TMC5: variants seen among roughly 807,000 people sequenced by gnomAD.
The protein encoded by TMC5 is transmembrane channel like 5, also known as transmembrane channel-like protein 5.
A neutral mutation model predicts 110.5 loss-of-function variants in TMC5; 86 were observed. That is an observed-to-expected ratio of 0.78 (90% confidence interval 0.65 to 0.93). The LOEUF (loss-of-function observed/expected upper bound fraction) is 0.93, where lower values mean the gene tolerates loss of function less well. TMC5 is among the 40% of genes least tolerant of loss of function. TMC5 has a pLI of 0.00. For synonymous variants in TMC5, 455 were observed against 439.5 expected (o/e 1.04, Z -0.44); for missense variants, 1,144 against 1,222.8 (o/e 0.94, Z 0.96).
At chr16:19,426,296 T>C (rs1343252699) in intron 1 of TMC5, among the ~76,000 whole-genome samples, 1 of 152,228 alleles carries the variant, frequency 6.6e-6, no homozygotes, top group African/African-American at 2.4e-5. Flanking sequence ...GACCCATACA[T>C]GCAGGGTGCA....
At chr16:19,443,451 G>C (rs1275925922) in intron 3 of TMC5, among the ~76,000 whole-genome samples, 1 of 152,098 alleles carries the variant, frequency 6.6e-6, no homozygotes, top group South Asian at 2.1e-4. Flanking sequence ...CTCTCAGCAA[G>C]AATTATCTTT....
intron 15 of TMC5, among the ~76,000 whole-genome samples, chr16:19,485,561 G>C (rs1209374871): frequency 6.6e-6 from 1 of 152,122 alleles, no homozygotes; most frequent in East Asian, 1.9e-4. Context: ...GCCTCCAAAA[G>C]TGATGAGATT....
chr16:19,468,013 CA>C (rs1597199067), intron 9 of TMC5, among the ~76,000 whole-genome samples: 1 of 150,724 alleles, frequency 6.6e-6, no homozygotes, highest in East Asian at 2.0e-4. Context: ...CTTGCTCTGT[CA>C]CCCAGGCTGG....
intron 5 of TMC5, among the ~76,000 whole-genome samples, chr16:19,450,825 T>G (rs771615901): frequency 3.9e-5 from 6 of 152,206 alleles, no homozygotes; most frequent in Non-Finnish European, 7.3e-5. Flanking sequence ...TCAAAGTTTT[T>G]GTGAATATTC....
At chr16:19,435,673 G>C (rs1425521970) in intron 2 of TMC5, among the ~76,000 whole-genome samples, 1 of 151,978 alleles carries the variant, frequency 6.6e-6, no homozygotes, top group African/African-American at 2.4e-5. Context: ...GCAATTCCTA[G>C]TCATCACTCA....
intron 1 of TMC5, among the ~76,000 whole-genome samples, chr16:19,419,831 A>C (rs1966944759): frequency 6.6e-6 from 1 of 152,166 alleles, no homozygotes; most frequent in South Asian, 2.1e-4. Context: ...TAACGCAATG[A>C]ATCATATTTG....
intron 5 of TMC5, among the ~76,000 whole-genome samples, chr16:19,451,393 C>T (rs550715404): frequency 3.9e-5 from 6 of 152,206 alleles, no homozygotes; most frequent in African/African-American, 1.4e-4. Flanking sequence ...AAGGGAAAAC[C>T]GTTGGGATAT....
intron 15 of TMC5, among the ~76,000 whole-genome samples, chr16:19,486,638 A>G (rs760534875): frequency 3.2e-4 from 48 of 151,906 alleles, no homozygotes; most frequent in Admixed American, 1.3e-4. Flanking sequence ...TTGGCCTCCC[A>G]AAGTTCTGGG....
chr16:19,466,266 G>A, intron 9 of TMC5, 33 bp downstream of exon 9: 1 of 1,607,544 alleles, frequency 6.2e-7, no homozygotes, highest in South Asian at 1.1e-5. Context: ...TGATTCTGAG[G>A]GTCATGTTAG....
At chr16:19,483,865 C>G (rs1368618776) in intron 15 of TMC5, among the ~76,000 whole-genome samples, 1 of 151,866 alleles carries the variant, frequency 6.6e-6, no homozygotes, top group Admixed American at 6.6e-5. Context: ...TCACCTGAGG[C>G]CAGGAGTTCG....
chr16:19,441,404 CA>C (rs1436963510), intron 3 of TMC5, among the ~76,000 whole-genome samples: 1 of 151,782 alleles, frequency 6.6e-6, no homozygotes, highest in East Asian at 1.9e-4. Flanking sequence ...ACCACAGCCT[CA>C]ACCTTCTGGG....
chr16:19,434,716 T>C (rs924792764), intron 2 of TMC5, among the ~76,000 whole-genome samples: 1 of 152,102 alleles, frequency 6.6e-6, no homozygotes, highest in Non-Finnish European at 1.5e-5. Flanking sequence ...AGGGTTTACA[T>C]TGTACATAAA....
At chr16:19,441,886 C>T (rs1384008804) in intron 3 of TMC5, among the ~76,000 whole-genome samples, 3 of 152,224 alleles carry the variant, frequency 2.0e-5, no homozygotes, top group African/African-American at 7.2e-5. Context: ...TCACCACAGC[C>T]TCTGCCTCCC....
intron 1 of TMC5, among the ~76,000 whole-genome samples, chr16:19,428,884 G>A (rs1208992937): frequency 6.6e-6 from 1 of 152,168 alleles, no homozygotes; most frequent in African/African-American, 2.4e-5. Flanking sequence ...GGAGTGCAGT[G>A]GCATGATCTC....
intron 1 of TMC5, among the ~76,000 whole-genome samples, chr16:19,429,400 C>T (rs889744572): frequency 3.9e-5 from 6 of 152,232 alleles, no homozygotes; most frequent in African/African-American, 1.4e-4. Flanking sequence ...AAACATTACA[C>T]ACTGCAGATA....
In TMC5 at chr16:19,442,659, G is replaced by T. The variant is rs181242986; in HGVS notation, c.789-1422G>T. On this transcript the variant is annotated intron_variant, in intron 3 of 21. Transcript: ENST00000542583. ...TGTGATTTTTTAAAGTCAGTTTGTG[G>T]TTTAATCAGTAACAATGTTTGTCAT... is the stretch of plus-strand genomic sequence containing the variant. Among the ~76,000 whole-genome samples the T allele has an allele frequency of 2.6e-4, 40 of 152,260 alleles. 1 individual carries two copies. In the East Asian group the frequency reaches 5.0e-3, roughly 19 times the overall value.
At chr16:19,475,451 A>T (rs1968464120) in intron 12 of TMC5, among the ~76,000 whole-genome samples, 1 of 150,832 alleles carries the variant, frequency 6.6e-6, no homozygotes, top group African/African-American at 2.4e-5. Flanking sequence ...AGGTCTGTAC[A>T]ATGCAGACTG....
chr16:19,411,822 TA>T (rs1966856546), intron 1 of TMC5, among the ~76,000 whole-genome samples: 2 of 152,338 alleles, frequency 1.3e-5, no homozygotes, highest in South Asian at 2.1e-4. Flanking sequence ...GGGCATGTGT[TA>T]CCTTTTATCC....
intron 11 of TMC5, 45 bp from the exon 12 acceptor site, chr16:19,474,080 A>T: frequency 6.3e-7 from 1 of 1,588,782 alleles, no homozygotes. Context: ...AGAAAGGGGT[A>T]CAGTGTACAA....
Sources: allele counts gnomAD v4.1 joint callset (sites outside exome capture counted in the v4.1 genomes callset), GRCh38; gene constraint gnomAD v4.1.1; transcripts MANE v1.5; gene names NCBI Gene and HGNC (gene_info 2026-07-23, HGNC 2026-07-21).